The following FAM120B variants were observed in gnomAD, a reference collection of about 807,000 sequenced individuals.
FAM120B encodes the protein constitutive coactivator of peroxisome proliferator-activated receptor gamma.
FAM120B carries 83 observed loss-of-function variants against 96.3 expected under a neutral mutation model. The ratio of observed to expected loss-of-function variants is 0.86; its 90% CI spans 0.72 to 1.03. The LOEUF is 1.03. Ranked by LOEUF, FAM120B falls within the 50% of genes least tolerant of loss-of-function variation. The probability of loss-of-function intolerance (pLI) is 0.00; values close to 1 mark genes in which losing one functional copy is unlikely to be tolerated. For synonymous variants in FAM120B, 407 were observed against 402.7 expected (o/e 1.01, Z -0.13); for missense variants, 1,027 against 1,121.2 (o/e 0.92, Z 1.20).
Position 170,323,182 on chromosome 6 carries a change from A to G in FAM120B, c.1838A>G (p.Gln613Arg). Reference sequence around the variant, plus strand: ...AACACCCTAGAAGATGAGCTTGACCAGGCCTTACCCAGCCAGGCCTTCATT... The same window carrying G: ...AACACCCTAGAAGATGAGCTTGACCGGGCCTTACCCAGCCAGGCCTTCATT... ...CSNTLEDELD[Q>R]ALPSQAFIYR... Residue 613 changes from glutamine to arginine, a missense_variant, in exon 3 of 11, where the codon CAG becomes CGG. Around this residue, in one of 3 missense-constraint regions of FAM120B, gnomAD observed 880 missense variants for 980.9 expected, o/e 0.90. Transcript: ENST00000476287. 1 of 1,614,208 alleles carries G rather than the reference A, an allele frequency of 6.2e-7. No individual in the cohort carries two copies. The highest frequency in any genetic ancestry group is 8.5e-7 in the Non-Finnish European group (1 of 1,180,026).
intron 4 of FAM120B, among the ~76,000 whole-genome samples, chr6:170,331,897 G>A (rs376860290): frequency 1.9e-4 from 29 of 152,314 alleles, no homozygotes; most frequent in African/African-American, 6.5e-4. Context: ...AAGGAGCTCC[G>A]GAAGCCTGTG....
intron 6 of FAM120B, among the ~76,000 whole-genome samples, chr6:170,371,176 A>G (rs982421948): frequency 6.6e-6 from 1 of 151,698 alleles, no homozygotes; most frequent in African/African-American, 2.4e-5. Flanking sequence ...GCCCCTGTCT[A>G]CCACTCATCC....
Position 170,318,993 on chromosome 6 carries a change from G to A in FAM120B, c.1603G>A (p.Ala535Thr). The A allele has an allele frequency of 6.2e-7, 1 of 1,614,136 alleles. No homozygotes were observed. Residue 535 changes from alanine (A) to threonine (T), a missense_variant, in exon 2 of 11, where the codon GCA becomes ACA. Around this residue, in one of 3 missense-constraint regions of FAM120B, gnomAD observed 880 missense variants for 980.9 expected, o/e 0.90. Transcript: ENST00000476287. ...HAEINQKLPV[A>T]TDFEFKLEAL... ...TGAAATCAATCAAAAATTACCTGTA[G>A]CAACAGATTTTGAATTTAAGCTAGA...
At chr6:170,330,650 C>T (rs1785959358) in intron 4 of FAM120B, 100 bp downstream of exon 4, 4 of 846,000 alleles carry the variant, frequency 4.7e-6, no homozygotes, top group Non-Finnish European at 7.6e-6. Flanking sequence ...ACCAGAATTG[C>T]ACAAATACTA....
rs554992501 is a variant in FAM120B, at chr6:170,395,518, C to T, written c.2631C>T (p.His877=). 9.4e-6 allele frequency: 15 copies of T among 1,600,350 alleles called. No individual in the cohort carries two copies. The highest frequency in any genetic ancestry group is 1.7e-4 in the Middle Eastern group (1 of 6,042). Residue 877 remains histidine, a synonymous_variant, in exon 9 of 11, where the codon CAC becomes CAT. Coordinates refer to ENST00000476287, the MANE Select transcript of FAM120B (RefSeq NM_032448.3). ...GRWGRQGSSY[H]RTGSGYSRSS... is the part of the protein sequence containing the mutation. ...GGGGAAGACAGGGCTCCAGCTACCA[C>T]AGGACGGGCTCTGGGTATAGCCGTT...
intron 2 of FAM120B, 64 bp downstream of exon 2, chr6:170,319,188 T>C: frequency 6.9e-7 from 1 of 1,440,922 alleles, no homozygotes; most frequent in Non-Finnish European, 9.3e-7. Context: ...GATTTGTTAG[T>C]GAAGATCCAT....
intron 4 of FAM120B, among the ~76,000 whole-genome samples, chr6:170,346,092 A>T (rs1290984764): frequency 6.6e-6 from 1 of 152,204 alleles, no homozygotes; most frequent in Non-Finnish European, 1.5e-5. Context: ...TTGTGATCTT[A>T]CGGGACCACC....
intron 4 of FAM120B, among the ~76,000 whole-genome samples, chr6:170,341,371 G>A (rs975746676): frequency 3.3e-5 from 5 of 152,150 alleles, no homozygotes; most frequent in Non-Finnish European, 7.3e-5. Context: ...GTCCCAGGTC[G>A]ACTTCAGACT....
intron 4 of FAM120B, among the ~76,000 whole-genome samples, chr6:170,338,131 A>G (rs4710794): frequency 0.94 from 142,951 of 152,188 alleles, 67,224 homozygotes; most frequent in East Asian, 1. Context: ...TTAGGGTGTC[A>G]ATTTCATATC....
At position 170,297,713 on chromosome 6, in the gene FAM120B, G is replaced by C. The variant is rs4710715; in HGVS notation, c.48+2260G>C. Among the ~76,000 whole-genome samples the C allele has an allele frequency of 0.05, 7,549 of 152,262 alleles. 1,064 individuals carry two copies. The East Asian group carries it at 0.57, about 11-fold the overall frequency. On this transcript the variant is annotated intron_variant, in intron 1 of 10. Transcript: ENST00000537664. Reference sequence around the variant, plus strand: ...GTGCTGGGGAGCTGTTGGCCCACATGGGCATAGGGAGGGTATGTTTATCAG... The same window carrying C: ...GTGCTGGGGAGCTGTTGGCCCACATCGGCATAGGGAGGGTATGTTTATCAG...
intron 2 of FAM120B, among the ~76,000 whole-genome samples, chr6:170,319,878 A>T (rs937677001): frequency 2.0e-5 from 3 of 152,240 alleles, no homozygotes. Flanking sequence ...AAGGTGGACA[A>T]TCATAGCCAA....
At chr6:170,394,977 G>A (rs1267470565) in intron 8 of FAM120B, among the ~76,000 whole-genome samples, 1 of 152,254 alleles carries the variant, frequency 6.6e-6, no homozygotes, top group Non-Finnish European at 1.5e-5. Context: ...ACATGAGTTT[G>A]TATGTAATCA....
Position 170,307,009 on chromosome 6 carries a change from A to G in FAM120B, c.-22+167A>G, listed in dbSNP as rs527798040. Among the ~76,000 whole-genome samples the G allele has an allele frequency of 3.3e-3, 509 of 152,136 alleles. 1 individual carries two copies. The highest frequency in any genetic ancestry group is 0.011 in the African/African-American group (474 of 41,494). On this transcript the variant is annotated intron_variant, in intron 1 of 10. Transcript: ENST00000476287. ...TCCTTGTCACCGCGGCTGCGACATC[A>G]TGGGATCCTCGCGTCCCCGCTGCCG...
At chr6:170,316,125 T>C (rs1784888044) in intron 1 of FAM120B, among the ~76,000 whole-genome samples, 1 of 151,548 alleles carries the variant, frequency 6.6e-6, no homozygotes, top group African/African-American at 2.4e-5. Flanking sequence ...ATGCCTTTTC[T>C]CAACCTAACA....
chr6:170,296,206 C>T (rs1255303189), intron 1 of FAM120B, among the ~76,000 whole-genome samples: 2 of 152,144 alleles, frequency 1.3e-5, no homozygotes, highest in African/African-American at 4.8e-5. Context: ...CGCCGGGACC[C>T]GGGGCTGGGG....
chr6:170,368,824 G>T (rs79918761), intron 6 of FAM120B, among the ~76,000 whole-genome samples: 6 of 112,700 alleles, frequency 5.3e-5, no homozygotes, highest in South Asian at 5.9e-4. Context: ...CGGGGCTGGG[G>T]GGGGGGCTCC....
chr6:170,366,357 A>C (rs916051493), intron 6 of FAM120B, among the ~76,000 whole-genome samples: 3 of 152,170 alleles, frequency 2.0e-5, no homozygotes, highest in African/African-American at 4.8e-5. Context: ...GCTGGCTCCT[A>C]GGAAAGAGTA....
chr6:170,348,195 G>A lies in FAM120B; in HGVS notation c.2062G>A (p.Glu688Lys), dbSNP rs953928829. The change falls in exon 5 of 11, where the codon GAA (glutamate) becomes AAA (lysine). Residue 688 changes from glutamate (E) to lysine (K), a missense_variant. Transcript: ENST00000476287. ...AATATTATGGCTGAACCAAGAGCCA[G>A]AAATACAGGTTCGGCGCTTGGACAC... ...LKILWLNQEPEIQVRRLDTLL... is the reference protein window; with the variant it reads ...LKILWLNQEPKIQVRRLDTLL... 1.9e-6 allele frequency: 3 copies of A among 1,613,992 alleles called. No individual in the cohort carries two copies. The African/African-American group carries it at 4.0e-5, about 22-fold the overall frequency.
chr6:170,336,141 G>T (rs1054799705), intron 4 of FAM120B, among the ~76,000 whole-genome samples: 5 of 152,130 alleles, frequency 3.3e-5, no homozygotes, highest in African/African-American at 1.2e-4. Flanking sequence ...GTCCTGAATG[G>T]TATTGTCTAG....
Sources: gnomAD v4.1 joint callset for allele counts (sites outside exome capture counted in the v4.1 genomes callset) on GRCh38, gnomAD v4.1.1 for gene constraint, gnomAD v4.1.1 regional missense constraint, MANE v1.5 for transcripts, NCBI Gene and HGNC (gene_info 2026-07-23, HGNC 2026-07-21) for gene names.